PPFIBP2: variants seen among roughly 807,000 people sequenced by gnomAD.
PPFIBP2 encodes the protein PPFIB scaffold protein 2.
In PPFIBP2, 118 loss-of-function variants were observed where a neutral mutation model predicts 118.3. The ratio of observed to expected loss-of-function variants is 1.00; its 90% CI spans 0.86 to 1.16. PPFIBP2 has a LOEUF of 1.16. PPFIBP2 is among the 50% of genes most tolerant of loss of function. PPFIBP2 has a pLI of 0.00. For synonymous variants in PPFIBP2, 414 were observed against 397.4 expected, an observed-to-expected ratio of 1.04 and a Z score of -0.50; for missense variants, 1,195 against 1,073.1, an observed-to-expected ratio of 1.11 and a Z score of -1.59.
At chr11:7,658,372 C>A (rs1854812102), downstream of PPFIBP2, among the ~76,000 whole-genome samples, 1 of 116,152 alleles carries the variant, frequency 8.6e-6, no homozygotes, top group African/African-American at 3.7e-5. Context: ...GTTCAATTCC[C>A]ACCTATGAGT....
At chr11:7,666,121 G>A in the PPFIBP2 span, 7 of 616,706 alleles carry the variant, frequency 1.1e-5, no homozygotes, top group Non-Finnish European at 1.7e-5. Flanking sequence ...TGGTGAAGGG[G>A]TCAGTGCCCA....
At chr11:7,645,074 A>C (rs926975292) in intron 17 of PPFIBP2, among the ~76,000 whole-genome samples, 9 of 149,288 alleles carry the variant, frequency 6.0e-5, no homozygotes, top group Non-Finnish European at 8.9e-5. Context: ...TTTTAAACAC[A>C]ACCAGTTTTA....
At chr11:7,577,776 T>G in intron 3 of PPFIBP2, 1 of 408,650 alleles carries the variant, frequency 2.4e-6, no homozygotes, top group Non-Finnish European at 4.9e-6. Context: ...GCCAAGTTCT[T>G]CATGAGAATC....
At chr11:7,556,057 C>G (rs1305778193) in intron 2 of PPFIBP2, among the ~76,000 whole-genome samples, 1 of 152,056 alleles carries the variant, frequency 6.6e-6, no homozygotes, top group Non-Finnish European at 1.5e-5. Context: ...ATCTAAAGTA[C>G]TTTGTTAGAT....
chr11:7,523,550 G>A (rs530333824), intron 1 of PPFIBP2, among the ~76,000 whole-genome samples: 5 of 152,246 alleles, frequency 3.3e-5, no homozygotes, highest in African/African-American at 9.6e-5. Context: ...CAAAATATGT[G>A]CACGAGCCTG....
At chr11:7,615,749 G>A (rs1848563350) in intron 6 of PPFIBP2, among the ~76,000 whole-genome samples, 2 of 152,298 alleles carry the variant, frequency 1.3e-5, no homozygotes, top group African/African-American at 4.8e-5. Context: ...AAAAGTGATA[G>A]GTACCTTGAG....
At chr11:7,646,612 C>G (rs751997473) in intron 17 of PPFIBP2, among the ~76,000 whole-genome samples, 20 of 152,302 alleles carry the variant, frequency 1.3e-4, no homozygotes, top group Non-Finnish European at 2.6e-4. Flanking sequence ...GTAGTCCCAG[C>G]TACTTGGGAG....
At chr11:7,658,939 T>A, downstream of PPFIBP2, among the ~76,000 whole-genome samples, 1 of 106,194 alleles carries the variant, frequency 9.4e-6, no homozygotes. Context: ...GCTGCATAAA[T>A]GTCTTCTTTT....
the PPFIBP2 span, among the ~76,000 whole-genome samples, chr11:7,662,250 C>T: frequency 9.2e-5 from 14 of 152,122 alleles, no homozygotes; most frequent in East Asian, 2.7e-3. Flanking sequence ...TCTTGATGGT[C>T]TTTACATTGT....
chr11:7,665,136 C>T, the PPFIBP2 span: 31 of 395,186 alleles, frequency 7.8e-5, no homozygotes, highest in African/African-American at 4.1e-4. Context: ...CACAAAACCA[C>T]GGAGAAAGAT....
At chr11:7,604,246 T>C (rs35336526) in intron 5 of PPFIBP2, among the ~76,000 whole-genome samples, 14,634 of 151,662 alleles carry the variant, frequency 0.096, 767 homozygotes, top group African/African-American at 0.11. Flanking sequence ...AAGATTGGGG[T>C]GGCTAGGAGT....
Position 7,653,526 on chromosome 11 carries a change from G to A in PPFIBP2, c.*308G>A, listed in dbSNP as rs761345235. 6.8e-5 allele frequency: 92 copies of A among 1,345,824 alleles called. No individual in the cohort carries two copies. The highest frequency in any genetic ancestry group is 6.7e-4 in the South Asian group (55 of 81,494). The allele number at this position is 1,345,824 out of a possible 1,614,324, so 83.4% of individuals were successfully genotyped here. On this transcript the variant is annotated 3_prime_UTR_variant, in exon 24 of 24. Coordinates refer to ENST00000299492, the MANE Select transcript of PPFIBP2 (RefSeq NM_003621.5). ...GCACCAGTGGAAACACATGAACTTCGATGCAGGTCCAGAGACCATGGACAC... is the reference window on the plus strand; with the variant it reads ...GCACCAGTGGAAACACATGAACTTCAATGCAGGTCCAGAGACCATGGACAC...
chr11:7,589,756 A>T (rs1218277730), intron 3 of PPFIBP2, among the ~76,000 whole-genome samples: 1 of 152,158 alleles, frequency 6.6e-6, no homozygotes, highest in Non-Finnish European at 1.5e-5. Flanking sequence ...TGACTTACCT[A>T]ATCAGGAACA....
chr11:7,520,534 A>G (rs1184446901), intron 1 of PPFIBP2, among the ~76,000 whole-genome samples: 1 of 151,502 alleles, frequency 6.6e-6, no homozygotes, highest in Non-Finnish European at 1.5e-5. Flanking sequence ...CTGAAATGCA[A>G]ATCTGTTCAT....
chr11:7,630,724 A>G (rs369667450), intron 10 of PPFIBP2, among the ~76,000 whole-genome samples: 1 of 152,196 alleles, frequency 6.6e-6, no homozygotes, highest in Admixed American at 6.5e-5. Context: ...TTCTGCAGAT[A>G]AACTTTGACC....
chr11:7,605,782 A>G (rs1012455373), intron 5 of PPFIBP2: 1 of 1,389,056 alleles, frequency 7.2e-7, no homozygotes, highest in Non-Finnish European at 9.3e-7. Flanking sequence ...ATGAAAGGTC[A>G]GAAGATTGTG....
At chr11:7,525,184 T>C (rs1850114556) in intron 1 of PPFIBP2, among the ~76,000 whole-genome samples, 1 of 152,168 alleles carries the variant, frequency 6.6e-6, no homozygotes, top group Non-Finnish European at 1.5e-5. Context: ...CTGGTAGCTC[T>C]AGAGTGGAGG....
At chr11:7,593,799 C>T (rs894926193) in intron 4 of PPFIBP2, among the ~76,000 whole-genome samples, 4 of 152,150 alleles carry the variant, frequency 2.6e-5, no homozygotes, top group Admixed American at 6.5e-5. Context: ...GGAGCTTTTT[C>T]GCTGTTGAAA....
chr11:7,655,336 G>T (rs1854580455), downstream of PPFIBP2: 1 of 954,852 alleles, frequency 1.0e-6, no homozygotes, highest in African/African-American at 1.7e-5. Context: ...GCATGCCCTG[G>T]AGAAGCCAGG....
Sources: gnomAD v4.1 joint callset for allele counts (sites outside exome capture counted in the v4.1 genomes callset) on GRCh38, gnomAD v4.1.1 for gene constraint, MANE v1.5 for transcripts, NCBI Gene and HGNC (gene_info 2026-07-23, HGNC 2026-07-21) for gene names.